NBAS: variants seen among roughly 807,000 people sequenced by gnomAD.
The protein encoded by NBAS is NAG/BC035112 fusion.
In NBAS, 219 loss-of-function variants were observed where a neutral mutation model predicts 302.5. That is an observed-to-expected ratio of 0.72 (90% CI 0.65 to 0.81). The LOEUF is 0.81. Among genes scored for constraint, NBAS ranks in the 30% least tolerant of loss-of-function variants. The pLI, the probability that NBAS is intolerant of heterozygous loss-of-function variation, is 0.00. For missense variants in NBAS, 2,932 were observed against 2,841.6 expected, an observed-to-expected ratio of 1.03 and a Z score of -0.72; for synonymous variants, 1,118 against 1,021.6, an observed-to-expected ratio of 1.09 and a Z score of -1.80.
intron 21 of NBAS, among the ~76,000 whole-genome samples, chr2:15,444,966 C>T (rs1200674458): frequency 2.9e-4 from 43 of 149,438 alleles, no homozygotes; most frequent in African/African-American, 1.0e-3. Flanking sequence ...TACCATCTCA[C>T]ACCAGTTAGA....
chr2:15,393,215 T>G (rs1041538720), intron 28 of NBAS, among the ~76,000 whole-genome samples: 2 of 151,924 alleles, frequency 1.3e-5, no homozygotes, highest in Admixed American at 1.3e-4. Context: ...AAAAGGCAAA[T>G]TTTTAAAAAG....
At chr2:15,065,712 C>G in the NBAS span, among the ~76,000 whole-genome samples, 3 of 143,214 alleles carry the variant, frequency 2.1e-5, no homozygotes, top group African/African-American at 7.4e-5. Context: ...ACAAAGAAAA[C>G]TACAACACAT....
At chr2:15,372,304 A>T (rs138832051) in intron 31 of NBAS, among the ~76,000 whole-genome samples, 28 of 152,338 alleles carry the variant, frequency 1.8e-4, no homozygotes, top group African/African-American at 6.3e-4. Context: ...ACTCACACAT[A>T]GGGAGTCATT....
chr2:15,345,218 G>A (rs995927671), intron 35 of NBAS, among the ~76,000 whole-genome samples: 2 of 152,110 alleles, frequency 1.3e-5, no homozygotes, highest in Non-Finnish European at 2.9e-5. Context: ...AAGTCAAATT[G>A]TCTCTGTTTG....
chr2:14,873,621 C>G, the NBAS span, among the ~76,000 whole-genome samples: 2 of 150,868 alleles, frequency 1.3e-5, no homozygotes, highest in East Asian at 3.9e-4. Context: ...AATATGTTCA[C>G]CAACCACAGC....
chr2:14,820,804 C>T, the NBAS span, among the ~76,000 whole-genome samples: 1 of 152,196 alleles, frequency 6.6e-6, no homozygotes, highest in East Asian at 1.9e-4. Context: ...GAACAGTCAG[C>T]TCCCATCAGG....
At chr2:15,184,277 T>A (rs1249652743) in intron 50 of NBAS, among the ~76,000 whole-genome samples, 1 of 152,120 alleles carries the variant, frequency 6.6e-6, no homozygotes, top group South Asian at 2.1e-4. Context: ...CCATGGACTA[T>A]GGAATAGTCC....
At chr2:14,955,793 C>T in the NBAS span, among the ~76,000 whole-genome samples, 362 of 152,238 alleles carry the variant, frequency 2.4e-3, 2 homozygotes, top group Middle Eastern at 0.017. Flanking sequence ...GCAAGGGTCC[C>T]CAGCCTCCAC....
intron 30 of NBAS, 49 bp downstream of exon 30, chr2:15,379,553 A>C: frequency 5.1e-6 from 8 of 1,553,938 alleles, no homozygotes; most frequent in Admixed American, 1.7e-5. Context: ...CAGTTTGTAC[A>C]TTCTGACTTT....
chr2:15,128,816 A>G, the NBAS span, among the ~76,000 whole-genome samples: 1 of 152,232 alleles, frequency 6.6e-6, no homozygotes, highest in Admixed American at 6.5e-5. Flanking sequence ...AGGAAGTTAA[A>G]TTCTTGCAAG....
intron 46 of NBAS, among the ~76,000 whole-genome samples, chr2:15,234,138 G>C (rs1027339511): frequency 6.6e-6 from 1 of 152,042 alleles, no homozygotes; most frequent in African/African-American, 2.4e-5. Flanking sequence ...GCCTTGCCTT[G>C]GGTTTTTCAA....
intron 31 of NBAS, among the ~76,000 whole-genome samples, chr2:15,374,247 T>C (rs1160382330): frequency 1.3e-5 from 2 of 152,180 alleles, no homozygotes; most frequent in Non-Finnish European, 2.9e-5. Context: ...ATCTATGCAA[T>C]GGAAACAAAA....
chr2:15,481,216 T>G (rs1680413610), intron 12 of NBAS, among the ~76,000 whole-genome samples: 1 of 152,234 alleles, frequency 6.6e-6, no homozygotes, highest in Non-Finnish European at 1.5e-5. Flanking sequence ...AGTTTGTTTC[T>G]CCATATATCC....
At chr2:14,956,171 C>T in the NBAS span, among the ~76,000 whole-genome samples, 7 of 152,332 alleles carry the variant, frequency 4.6e-5, no homozygotes, top group East Asian at 1.2e-3. Context: ...GCAAGAGTCA[C>T]TTTTATTCCA....
the NBAS span, among the ~76,000 whole-genome samples, chr2:15,087,872 C>T: frequency 1.3e-5 from 2 of 152,346 alleles, no homozygotes; most frequent in African/African-American, 4.8e-5. Context: ...GTCTAAATTC[C>T]CTGTGGCAGG....
At chr2:15,131,503 G>A in the NBAS span, among the ~76,000 whole-genome samples, 1 of 152,144 alleles carries the variant, frequency 6.6e-6, no homozygotes, top group South Asian at 2.1e-4. Context: ...CTACAATGAA[G>A]TTCAAATAGG....
the NBAS span, among the ~76,000 whole-genome samples, chr2:14,926,190 G>A: frequency 6.6e-6 from 1 of 152,074 alleles, no homozygotes; most frequent in African/African-American, 2.4e-5. Context: ...GGAGGTCATG[G>A]AACCACACTT....
At chr2:14,876,702 C>T in the NBAS span, among the ~76,000 whole-genome samples, 1 of 152,228 alleles carries the variant, frequency 6.6e-6, no homozygotes, top group Admixed American at 6.5e-5. Flanking sequence ...CTGATGTCAA[C>T]CTTCTGATCA....
At chr2:14,999,547 C>A in the NBAS span, among the ~76,000 whole-genome samples, 1 of 152,016 alleles carries the variant, frequency 6.6e-6, no homozygotes, top group African/African-American at 2.4e-5. Flanking sequence ...AAGCATGTAG[C>A]GTTTTCCCAT....
Sources: gnomAD v4.1 joint callset for allele counts (sites outside exome capture counted in the v4.1 genomes callset) on GRCh38, gnomAD v4.1.1 for gene constraint, MANE v1.5 for transcripts, NCBI Gene and HGNC (gene_info 2026-07-23, HGNC 2026-07-21) for gene names.